EML3: variants seen among roughly 807,000 people sequenced by gnomAD.
EML3 encodes EMAP like 3, also known as echinoderm microtubule-associated protein-like 3.
Under a neutral mutation model 106.7 loss-of-function variants are expected in EML3, and 53 were observed. The observed-to-expected ratio is 0.50, with a 90% CI of 0.40 to 0.62. The LOEUF (loss-of-function observed/expected upper bound fraction) is 0.62. Among genes scored for constraint, EML3 ranks in the 20% least tolerant of loss-of-function variants. The pLI is 0.00. For synonymous variants in EML3, 499 were observed against 489.6 expected (o/e 1.02, Z -0.25); for missense variants, 994 against 1,209.1 (o/e 0.82, Z 2.64).
intron 5 of EML3, 51 bp downstream of exon 5, chr11:62,609,578 C>T: frequency 1.3e-6 from 2 of 1,579,666 alleles, no homozygotes; most frequent in South Asian, 1.2e-5. Context: ...GGCTACAGCC[C>T]AAATCCTAAC....
chr11:62,612,038 T>G (rs1301933707), intron 1 of EML3: 5 of 372,522 alleles, frequency 1.3e-5, no homozygotes, highest in African/African-American at 2.2e-5. Flanking sequence ...GGGAATGGAG[T>G]CATACTGAGG....
rs1466198358 is a variant in EML3 at position 62,612,528 on chromosome 11, G to GAGGGGA, written c.-77_-72dup. On this transcript the variant is annotated 5_prime_UTR_variant, in exon 1 of 22. Coordinates refer to ENST00000394773, the MANE Select transcript of EML3 (RefSeq NM_153265.3). ...AAGCCGCGGGGGCCACGGCCGGGGA[G>GAGGGGA]AGGGGAAGGGGAAGCACCCCGGGGC... 53 of 1,320,394 alleles carry GAGGGGA rather than the reference G, an allele frequency of 4.0e-5. No individual in the cohort carries two copies. The highest frequency in any genetic ancestry group is 4.4e-5 in the Non-Finnish European group (46 of 1,036,786). 81.8% of individuals were successfully genotyped at this position (1,320,394 alleles called of 1,614,324 possible). A position where few individuals can be genotyped will look rare whatever the true frequency, so the allele number is the denominator to read the frequency against.
At chr11:62,603,491 TG>T (rs1942350404) in intron 19 of EML3, among the ~76,000 whole-genome samples, 4 of 152,232 alleles carry the variant, frequency 2.6e-5, no homozygotes, top group Admixed American at 2.6e-4. Flanking sequence ...GCTCCACACT[TG>T]CCCTGAGAAA....
In EML3 at chr11:62,605,025, G is replaced by A. The variant is rs1942443277; in HGVS notation, c.1982+88C>T. On this transcript the variant is annotated intron_variant, in intron 16 of 21. Transcript: ENST00000394773. This position sits in a 1 kb window ranked among gnomAD's most constrained non-coding sequence, Gnocchi z 5.2. ...AAGGCGCAGGTGGCTCCTGGGTAGA[G>A]GTGGTCACTCTCGCCCACTCCCCCA... 1 of 1,358,932 alleles carries A rather than the reference G, an allele frequency of 7.4e-7. No individual in the cohort carries two copies. Among genetic ancestry groups the A allele is most frequent in the Non-Finnish European group, 1.0e-6 (1 of 1,001,388 alleles). The allele number at this position is 1,358,932 out of a possible 1,614,324, so 84.2% of individuals were successfully genotyped here.
rs751346477 is a variant in EML3, at chr11:62,605,152, G to A, written c.1943C>T (p.Pro648Leu). The A allele has an allele frequency of 3.1e-6, 5 of 1,612,738 alleles. No homozygotes were observed. Among genetic ancestry groups the A allele is most frequent in the Non-Finnish European group, 3.4e-6 (4 of 1,179,340 alleles). Residue 648 changes from proline to leucine, a missense_variant, in exon 16 of 22, where the codon CCG becomes CTG. Coordinates refer to ENST00000394773, the MANE Select transcript of EML3 (RefSeq NM_153265.3). The surrounding 1 kb of genome is among the most constrained non-coding windows in gnomAD (Gnocchi z 5.2). ...TCCTACGGCCACAACTGCCCCACTCGGGTGGAAGTCAGCACAGAGACCAGT... is the reference window on the plus strand; with the variant it reads ...TCCTACGGCCACAACTGCCCCACTCAGGTGGAAGTCAGCACAGAGACCAGT... ...KETGLCADFH[P>L]SGAVVAVGLN...
At chr11:62,608,913 T>TC (rs777973273) in intron 7 of EML3, 49 bp downstream of exon 7, 18 of 1,598,478 alleles carry the variant, frequency 1.1e-5, no homozygotes, top group African/African-American at 2.7e-5. Context: ...TGCTTCTCCA[T>TC]CCCCCCAGAC....
rs765689252 is a variant in EML3 at position 62,611,326 on chromosome 11, T to TC, written c.212dup (p.Leu72ThrfsTer46). The TC allele has an allele frequency of 2.5e-6, 4 of 1,612,736 alleles. No homozygotes were observed. Among genetic ancestry groups the TC allele is most frequent in the Non-Finnish European group, 8.5e-7 (1 of 1,179,742 alleles). ...AGGAAGGGGTGCACGTGGGTGGCAG[T>TC]CCTGGGGGGGCTGCAAGACTGCTGG... is the stretch of plus-strand genomic sequence containing the variant. On this transcript the variant is annotated frameshift_variant, in exon 3 of 22. Transcript: ENST00000394773. LOFTEE classifies it high-confidence loss of function.
rs1942609494 is a variant in EML3, at chr11:62,607,754, C to T, written c.1274G>A (p.Gly425Glu). The T allele has an allele frequency of 1.9e-6, 3 of 1,614,058 alleles. No individual in the cohort carries two copies. The highest frequency in any genetic ancestry group is 1.7e-6 in the Non-Finnish European group (2 of 1,179,974). ...ATTCCAGAAGTGGACGTGAGATTTC[C>T]CACTGGTGACGATGCAGCTGCTGTC... Reference protein sequence around the residue: ...PRDSSCIVTSGKSHVHFWNWS... With the variant: ...PRDSSCIVTSEKSHVHFWNWS... The change falls in exon 11 of 22, where the codon GGG becomes GAG. Residue 425 changes from glycine to glutamate, a missense_variant. Around this residue, in one of 3 missense-constraint regions of EML3, gnomAD observed 713 missense variants for 920.5 expected, o/e 0.77. Coordinates refer to ENST00000394773, the MANE Select transcript of EML3 (RefSeq NM_153265.3).
intron 1 of EML3, 26 bp downstream of exon 1, chr11:62,612,410 C>A: frequency 6.7e-7 from 1 of 1,499,590 alleles, no homozygotes; most frequent in South Asian, 1.2e-5. Context: ...GGAAGGGGCA[C>A]GCCGCCCGCC....
rs929504500 is a variant in EML3, at chr11:62,602,431, G to T, written c.*44C>A. The T allele has an allele frequency of 4.5e-6, 7 of 1,545,392 alleles. No individual in the cohort carries two copies. The highest frequency in any genetic ancestry group is 6.1e-6 in the Non-Finnish European group (7 of 1,142,882). ...ATTGGGCCAGGGAAGGGCAGGGCGG[G>T]GCGGGGCCACGCCGCCGGGCCAGTC... On this transcript the variant is annotated 3_prime_UTR_variant, in exon 22 of 22. Coordinates refer to ENST00000394773, the MANE Select transcript of EML3 (RefSeq NM_153265.3).
intron 19 of EML3, 38 bp downstream of exon 19, chr11:62,603,691 A>G (rs2134349177): frequency 1.9e-6 from 3 of 1,587,688 alleles, no homozygotes; most frequent in African/African-American, 1.3e-5. Context: ...ACCCACTCCA[A>G]TTACCCTCTC....
intron 12 of EML3, 41 bp downstream of exon 12, chr11:62,606,917 T>G: frequency 6.3e-7 from 1 of 1,582,866 alleles, no homozygotes; most frequent in East Asian, 2.3e-5. Flanking sequence ...ACAGAACCTC[T>G]GGAGTACTAC....
intron 12 of EML3, among the ~76,000 whole-genome samples, chr11:62,606,620 G>A (rs552331757): frequency 1.3e-5 from 2 of 152,330 alleles, no homozygotes; most frequent in Admixed American, 1.3e-4. Context: ...ACTTTGGGAG[G>A]CCAAGGCGGG....
intron 18 of EML3, 30 bp downstream of exon 18, chr11:62,603,914 A>G (rs977545913): frequency 6.2e-7 from 1 of 1,613,374 alleles, no homozygotes; most frequent in Non-Finnish European, 8.5e-7. Flanking sequence ...AGCTGTTATC[A>G]TGCCCCACCA....
rs1942718257 is a variant in EML3, at chr11:62,609,704, G to A, written c.567-8C>T. On this transcript the variant is annotated splice_polypyrimidine_tract_variant and splice_region_variant and intron_variant, in intron 4 of 21. Coordinates refer to ENST00000394773, the MANE Select transcript of EML3 (RefSeq NM_153265.3). The stretch of plus-strand genomic sequence containing the variant: ...GGGTCTTTTCCCCCACGGCTGTTGG[G>A]AAGAGAGAAAGCACAGGGATTGGGG... 6.3e-7 allele frequency: 1 copy of A among 1,593,330 alleles called. No homozygotes were observed. Among genetic ancestry groups the A allele is most frequent in the Non-Finnish European group, 8.5e-7 (1 of 1,171,214 alleles).
Position 62,609,648 on chromosome 11 carries a change from C to T in EML3, c.615G>A (p.Arg205=), listed in dbSNP as rs776383507. 1.2e-6 allele frequency: 2 copies of T among 1,608,534 alleles called. No individual in the cohort carries two copies. The highest frequency in any genetic ancestry group is 2.2e-5 in the East Asian group (1 of 44,622). The part of the protein sequence containing the change: ...PLSSPGGPGS[R]RSNYNLEGIS... ...ACATACCCAAATTGTAATTGCTCCT[C>T]CGAGATCCAGGGCCCCCAGGGCTGG... is the stretch of plus-strand genomic sequence containing the variant. The change falls in exon 5 of 22, where the codon CGG becomes CGA. Residue 205 remains arginine (R), a synonymous_variant. Coordinates refer to ENST00000394773, the MANE Select transcript of EML3 (RefSeq NM_153265.3).
Position 62,603,670 on chromosome 11 carries a change from C to T in EML3, c.2257+59G>A. The T allele has an allele frequency of 2.8e-6, 4 of 1,439,146 alleles. No homozygotes were observed. The South Asian group carries it at 4.7e-5, about 17-fold the overall frequency. The allele number at this position is 1,439,146 out of a possible 1,614,324, so 89.1% of individuals were successfully genotyped here. On this transcript the variant is annotated intron_variant, in intron 19 of 21. Transcript: ENST00000394773. ...ATCTAACAACACCTCTAACAGCCCCCCCTACACAAAACCCACTCCAATTAC... is the reference window on the plus strand; with the variant it reads ...ATCTAACAACACCTCTAACAGCCCCTCCTACACAAAACCCACTCCAATTAC...
rs757955082 is a variant in EML3 at position 62,602,425 on chromosome 11, G to A, written c.*50C>T. On this transcript the variant is annotated 3_prime_UTR_variant, in exon 22 of 22. Transcript: ENST00000394773. ...TGGGGGATTGGGCCAGGGAAGGGCA[G>A]GGCGGGGCGGGGCCACGCCGCCGGG... The A allele has an allele frequency of 1.9e-6, 3 of 1,545,914 alleles. No homozygotes were observed. The highest frequency in any genetic ancestry group is 2.6e-6 in the Non-Finnish European group (3 of 1,143,194).
At position 62,611,288 on chromosome 11, in the gene EML3, C is replaced by T. The variant is rs1942807288; in HGVS notation, c.251G>A (p.Gly84Asp). 6.2e-7 allele frequency: 1 copy of T among 1,612,870 alleles called. No individual in the cohort carries two copies. Residue 84 changes from glycine to aspartate, a missense_variant, in exon 3 of 22, where the codon GGC becomes GAC. Gly to Asp is a moderately conservative substitution (Grantham distance 94, BLOSUM62 -1). This residue lies in a region of EML3 where 269 missense variants were observed against 265.1 expected (regional missense o/e 1.01). Coordinates refer to ENST00000394773, the MANE Select transcript of EML3 (RefSeq NM_153265.3). ...CTCCACCTCTGTCTCCGTCTGGGTGCCTCGGCTCACCAAGGAAGGGGTGCA... is the reference window on the plus strand; with the variant it reads ...CTCCACCTCTGTCTCCGTCTGGGTGTCTCGGCTCACCAAGGAAGGGGTGCA... ...PTCTPSLVSR[G>D]TQTETEVELK...
Sources: allele counts gnomAD v4.1 joint callset (sites outside exome capture counted in the v4.1 genomes callset), GRCh38; gene constraint gnomAD v4.1.1; regional missense constraint gnomAD v4.1.1; non-coding constraint Gnocchi (gnomAD v3.1); transcripts MANE v1.5; gene names NCBI Gene and HGNC (gene_info 2026-07-23, HGNC 2026-07-21).